Variants in CCKAR observed in about 807,000 individuals in gnomAD.
CCKAR encodes the protein cholecystokinin receptor type A.
Under a neutral mutation model 29.8 loss-of-function variants are expected in CCKAR, and 21 were observed. The ratio of observed to expected loss-of-function variants is 0.70; its 90% CI spans 0.50 to 1.01. The LOEUF is 1.01. Among genes scored for constraint, CCKAR ranks in the 50% least tolerant of loss-of-function variants. The probability of loss-of-function intolerance (pLI) is 0.00; values close to 1 mark genes in which losing one functional copy is unlikely to be tolerated. For missense variants in CCKAR, 570 were observed against 560.6 expected (o/e 1.02, Z -0.17); for synonymous variants, 238 against 221.3 (o/e 1.08, Z -0.67).
Position 26,482,181 on chromosome 4 carries a change from A to T in CCKAR, c.755-11T>A. 1 of 1,597,172 alleles carries T rather than the reference A, an allele frequency of 6.3e-7. No homozygotes were observed. Among genetic ancestry groups the T allele is most frequent in the Non-Finnish European group, 8.5e-7 (1 of 1,170,384 alleles). On this transcript the variant is annotated splice_polypyrimidine_tract_variant and intron_variant, in intron 4 of 4. Coordinates refer to ENST00000295589, the MANE Select transcript of CCKAR (RefSeq NM_000730.3). ...TGCTAGGTTTCCTTTCTGGGTGGGC[A>T]AGAGACATCACTCATTGCTGGGGAT...
At position 26,490,216 on chromosome 4, in the gene CCKAR, A is replaced by C. The variant is rs1238761023; in HGVS notation, c.52T>G (p.Cys18Gly). 1 of 1,613,710 alleles carries C rather than the reference A, an allele frequency of 6.2e-7. No homozygotes were observed. Among genetic ancestry groups the C allele is most frequent in the Admixed American group, 1.7e-5 (1 of 59,966 alleles). ...GTCTCATTTTCGAGCCCGAGTTCAC[A>C]GGGAGGAGTGATGTTGCTTCCATTC... ...LVNGSNITPP[C>G]ELGLENETLF... is the part of the protein sequence containing the mutation. The change falls in exon 1 of 5, where the codon TGT (cysteine) becomes GGT (glycine). Residue 18 changes from cysteine (C) to glycine (G), a missense_variant. By Grantham distance (159) the Cys-to-Gly change is radical. Transcript: ENST00000295589.
At chr4:26,484,167 T>C (rs1737401431) in intron 3 of CCKAR, among the ~76,000 whole-genome samples, 1 of 152,252 alleles carries the variant, frequency 6.6e-6, no homozygotes, top group South Asian at 2.1e-4. Context: ...CAGTCTGGCA[T>C]GTGTGAGGTT....
At chr4:26,482,243 C>T in intron 4 of CCKAR, 73 bp from the exon 5 acceptor site, 1 of 1,437,696 alleles carries the variant, frequency 7.0e-7, no homozygotes, top group African/African-American at 1.4e-5. Flanking sequence ...GCCCCCACTC[C>T]CCTCCATCAA....
intron 3 of CCKAR, among the ~76,000 whole-genome samples, chr4:26,485,399 C>A (rs1577707457): frequency 6.6e-6 from 1 of 152,114 alleles, no homozygotes; most frequent in East Asian, 1.9e-4. Flanking sequence ...AATAATAATA[C>A]CTATCTTAGA....
intron 2 of CCKAR, 141 bp from the exon 3 acceptor site, chr4:26,486,039 ATTTTTAAAAGATGATTTATTCTCAGC>A: frequency 5.5e-6 from 4 of 721,818 alleles, no homozygotes; most frequent in Non-Finnish European, 8.8e-6. Context: ...GTGTATGTAT[ATTTTTAAAAGATGATTTATTCTCAGC>A]TTTGTTCCAG....
intron 3 of CCKAR, among the ~76,000 whole-genome samples, chr4:26,483,688 T>C (rs1737395083): frequency 6.6e-6 from 1 of 152,238 alleles, no homozygotes; most frequent in Admixed American, 6.5e-5. Flanking sequence ...TTTACATACA[T>C]CACTACATTT....
intron 2 of CCKAR, among the ~76,000 whole-genome samples, chr4:26,488,489 G>T (rs1054977866): frequency 3.9e-5 from 6 of 152,186 alleles, no homozygotes; most frequent in Admixed American, 1.3e-4. Context: ...ACCACATGGG[G>T]TGCATAAAAG....
At chr4:26,483,035 A>G (rs1390377889) in intron 4 of CCKAR, 121 bp downstream of exon 4, 4 of 965,216 alleles carry the variant, frequency 4.1e-6, no homozygotes, top group East Asian at 5.0e-5. Flanking sequence ...ACAGAATCTC[A>G]TAAGAATACT....
At chr4:26,487,055 A>G (rs1050666784) in intron 2 of CCKAR, among the ~76,000 whole-genome samples, 4 of 152,226 alleles carry the variant, frequency 2.6e-5, no homozygotes, top group African/African-American at 9.6e-5. Flanking sequence ...TTGTATATGC[A>G]TACTTATTAA....
chr4:26,486,777 G>A (rs1737460203), intron 2 of CCKAR, among the ~76,000 whole-genome samples: 1 of 152,236 alleles, frequency 6.6e-6, no homozygotes, highest in African/African-American at 2.4e-5. Context: ...AACCAGGCAT[G>A]GCTGCACGTG....
Position 26,481,565 on chromosome 4 carries a change from T to C in CCKAR, c.*73A>G. 2.0e-6 allele frequency: 3 copies of C among 1,520,398 alleles called. No homozygotes were observed. Among genetic ancestry groups the C allele is most frequent in the Non-Finnish European group, 2.7e-6 (3 of 1,098,300 alleles). 94.2% of individuals were successfully genotyped at this position (1,520,398 alleles called of 1,614,324 possible). ...CCATCAGCTCTGCTCCTTCTCTTCC[T>C]GATCTCTTCTTCCGTTCTTTCTTCT... On this transcript the variant is annotated 3_prime_UTR_variant, in exon 5 of 5. Coordinates refer to ENST00000295589, the MANE Select transcript of CCKAR (RefSeq NM_000730.3).
Position 26,482,120 on chromosome 4 carries a change from A to T in CCKAR, c.805T>A (p.Cys269Ser). The T allele has an allele frequency of 6.2e-7, 1 of 1,613,632 alleles. No individual in the cohort carries two copies. Among genetic ancestry groups the T allele is most frequent in the Non-Finnish European group, 8.5e-7 (1 of 1,179,886 alleles). The change falls in exon 5 of 5, where the codon TGT becomes AGT. Residue 269 changes from cysteine to serine, a missense_variant. Cys to Ser is a moderately radical substitution (Grantham distance 112). Coordinates refer to ENST00000295589, the MANE Select transcript of CCKAR (RefSeq NM_000730.3). ...SSGKYEDSDG[C>S]YLQKTRPPRK... ...GGGGGCCTGGTCTTTTGCAGGTAAC[A>T]CCCATCGCTGTCCTCATATTTGCCG... is the stretch of plus-strand genomic sequence containing the variant.
chr4:26,489,118 C>T (rs1006318355), intron 2 of CCKAR, 115 bp downstream of exon 2: 5 of 1,319,492 alleles, frequency 3.8e-6, no homozygotes, highest in East Asian at 4.6e-5. Context: ...GCCTGATGTT[C>T]TGTGATTCAG....
chr4:26,482,218 G>A (rs750394928), intron 4 of CCKAR, 48 bp from the exon 5 acceptor site: 7 of 1,525,758 alleles, frequency 4.6e-6, no homozygotes, highest in African/African-American at 4.1e-5. Context: ...GGTCATGCCC[G>A]GTAGAAGGCA....
chr4:26,488,590 G>A (rs1293442874), intron 2 of CCKAR, among the ~76,000 whole-genome samples: 1 of 152,158 alleles, frequency 6.6e-6, no homozygotes, highest in Admixed American at 6.6e-5. Flanking sequence ...ATCAGGGTCA[G>A]CTTAGCGACC....
chr4:26,483,286 A>C lies in CCKAR; in HGVS notation c.627-3T>G. ...GGATGAGTAACAGGAATGTGTGCCTAATGAAATCAAAAGAAATCCAATAAC... is the reference window on the plus strand; with the variant it reads ...GGATGAGTAACAGGAATGTGTGCCTCATGAAATCAAAAGAAATCCAATAAC... On this transcript the variant is annotated splice_region_variant and splice_polypyrimidine_tract_variant and intron_variant, in intron 3 of 4. Transcript: ENST00000295589. 6 of 1,611,796 alleles carry C rather than the reference A, an allele frequency of 3.7e-6. No individual in the cohort carries two copies. Among genetic ancestry groups the C allele is most frequent in the Non-Finnish European group, 5.1e-6 (6 of 1,179,414 alleles).
chr4:26,490,242 A>G lies in CCKAR; in HGVS notation c.26T>C (p.Val9Ala). The G allele has an allele frequency of 6.2e-7, 1 of 1,613,208 alleles. No homozygotes were observed. The highest frequency in any genetic ancestry group is 8.5e-7 in the Non-Finnish European group (1 of 1,179,432). The change falls in exon 1 of 5, where the codon GTG (valine) becomes GCG (alanine). Residue 9 changes from valine to alanine, a missense_variant. Transcript: ENST00000295589. MDVVDSLL[V>A]NGSNITPPCE... is the part of the protein sequence containing the mutation. Reference sequence around the variant, plus strand: ...GGGAGGAGTGATGTTGCTTCCATTCACAAGAAGGCTGTCAACCACATCCAT... The same window carrying G: ...GGGAGGAGTGATGTTGCTTCCATTCGCAAGAAGGCTGTCAACCACATCCAT...
At chr4:26,483,117 T>C (rs754656056) in intron 4 of CCKAR, 39 bp downstream of exon 4, 6 of 1,599,800 alleles carry the variant, frequency 3.8e-6, no homozygotes, top group Non-Finnish European at 5.1e-6. Context: ...CAAGCTTTTG[T>C]GCTCATTTGG....
Position 26,485,782 on chromosome 4 carries a change from C to G in CCKAR, c.481G>C (p.Val161Leu). Reference protein sequence around the residue: ...VWQTKSHALKVIAATWCLSFT... With the variant: ...VWQTKSHALKLIAATWCLSFT... ...GAAAGGCACCAGGTAGCAGCAATCA[C>G]CTTCAAAGCATGGGATTTTGTCTGC... The change falls in exon 3 of 5, where the codon GTG becomes CTG. Residue 161 changes from valine (V) to leucine (L), a missense_variant. Val to Leu is a conservative substitution (Grantham distance 32). Transcript: ENST00000295589. 6.2e-7 allele frequency: 1 copy of G among 1,614,128 alleles called. No homozygotes were observed. The highest frequency in any genetic ancestry group is 8.5e-7 in the Non-Finnish European group (1 of 1,180,016).
Sources: allele counts gnomAD v4.1 joint callset (sites outside exome capture counted in the v4.1 genomes callset), GRCh38; gene constraint gnomAD v4.1.1; transcripts MANE v1.5; gene names NCBI Gene and HGNC (gene_info 2026-07-23, HGNC 2026-07-21).